SUMO2: variants seen among roughly 807,000 people sequenced by gnomAD.
SUMO2 encodes small ubiquitin like modifier 2.
SUMO2 carries 1 observed loss-of-function variant against 16.0 expected under a neutral mutation model. The ratio of observed to expected loss-of-function variants is 0.06; its 90% CI spans 0.02 to 0.30. SUMO2 has a LOEUF of 0.30. Ranked by LOEUF, SUMO2 falls within the 10% of genes least tolerant of loss-of-function variation. The pLI is 1.00. For synonymous variants in SUMO2, 36 were observed against 40.6 expected (o/e 0.89, Z 0.43); for missense variants, 16 against 117.5 (o/e 0.14, Z 3.99).
rs1598223664 is a variant in SUMO2, at chr17:75,173,502, CCTCA to C, written c.225+1246_225+1249del. ...ATTTTTTTTTTTTTTTGAGAGAGGG[CCTCA>C]CTTTGTCACCCAGGCTGGTGTGCAG... is the stretch of plus-strand genomic sequence containing the variant. On this transcript the variant is annotated intron_variant, in intron 3 of 3. Transcript: ENST00000420826. Among the ~76,000 whole-genome samples, 4 of 146,772 alleles carry C rather than the reference CCTCA, an allele frequency of 2.7e-5. No homozygotes were observed. In the East Asian group the frequency reaches 8.3e-4, roughly 30 times the overall value.
chr17:75,170,981 G>A (rs1568045587), intron 3 of SUMO2, among the ~76,000 whole-genome samples: 1 of 138,792 alleles, frequency 7.2e-6, no homozygotes, highest in Non-Finnish European at 1.7e-5. Flanking sequence ...TAGATACAGT[G>A]TTAGGCTAAA....
At chr17:75,171,107 C>T (rs1460042328) in intron 3 of SUMO2, among the ~76,000 whole-genome samples, 1 of 151,132 alleles carries the variant, frequency 6.6e-6, no homozygotes, top group East Asian at 2.0e-4. Flanking sequence ...AGCAAAGCAG[C>T]TTATTGTATG....
At chr17:75,177,696 AAAG>A (rs990619325) in intron 2 of SUMO2, among the ~76,000 whole-genome samples, 6 of 151,662 alleles carry the variant, frequency 4.0e-5, no homozygotes, top group African/African-American at 1.5e-4. Context: ...AAAAAAAAGA[AAAG>A]AAAAGCCAGG....
rs2074700321 is a variant in SUMO2, at chr17:75,167,243, A to G, written c.*1096T>C. 1 of 151,650 alleles carries G rather than the reference A, an allele frequency of 6.6e-6. No homozygotes were observed. The highest frequency in any genetic ancestry group is 1.9e-4 in the East Asian group (1 of 5,178). 9.4% of individuals were successfully genotyped at this position (151,650 alleles called of 1,614,324 possible). On this transcript the variant is annotated 3_prime_UTR_variant, in exon 4 of 4. Transcript: ENST00000420826. ...GAGGCTGAGGTTGCAGTGAGCTGAA[A>G]TTGCACCACTACACTCCAGCCTGGG...
At chr17:75,179,428 T>G (rs190660346) in intron 2 of SUMO2, among the ~76,000 whole-genome samples, 14 of 149,676 alleles carry the variant, frequency 9.4e-5, no homozygotes, top group Admixed American at 2.7e-4. Flanking sequence ...CTCGGGAGAC[T>G]GAGACAGGAG....
rs2074700362 is a variant in SUMO2, at chr17:75,167,246, G to GCACCACTA, written c.*1085_*1092dup. 2 of 151,522 alleles carry GCACCACTA rather than the reference G, an allele frequency of 1.3e-5. No homozygotes were observed. Among genetic ancestry groups the GCACCACTA allele is most frequent in the African/African-American group, 4.9e-5 (2 of 41,186 alleles). The allele number at this position is 151,522 out of a possible 1,614,324, so 9.4% of individuals were successfully genotyped here. ...GCTGAGGTTGCAGTGAGCTGAAATT[G>GCACCACTA]CACCACTACACTCCAGCCTGGGCAA... On this transcript the variant is annotated 3_prime_UTR_variant, in exon 4 of 4. Coordinates refer to ENST00000420826, the MANE Select transcript of SUMO2 (RefSeq NM_006937.4).
At chr17:75,179,867 G>A (rs2074813456) in intron 2 of SUMO2, among the ~76,000 whole-genome samples, 1 of 152,022 alleles carries the variant, frequency 6.6e-6, no homozygotes, top group African/African-American at 2.4e-5. Context: ...TGCCATGGTG[G>A]CCAGGCTGAT....
chr17:75,172,906 C>T (rs1225265352), intron 3 of SUMO2, among the ~76,000 whole-genome samples: 1 of 152,168 alleles, frequency 6.6e-6, no homozygotes, highest in Non-Finnish European at 1.5e-5. Context: ...CAGGTGTGAA[C>T]AAGTGCACCT....
chr17:75,180,542 ATC>A (rs2074821435), intron 2 of SUMO2, among the ~76,000 whole-genome samples: 2 of 150,802 alleles, frequency 1.3e-5, no homozygotes, highest in Non-Finnish European at 3.0e-5. Flanking sequence ...GTGAAACCCC[ATC>A]TCTACTAAAA....
rs1232568618 is a variant in SUMO2, at chr17:75,172,117, C to T, written c.225+2635G>A. Among the ~76,000 whole-genome samples the T allele has an allele frequency of 3.3e-5, 5 of 151,526 alleles. No homozygotes were observed. In the East Asian group the frequency reaches 7.7e-4, roughly 23 times the overall value. On this transcript the variant is annotated intron_variant, in intron 3 of 3. Transcript: ENST00000420826. ...TCGACTGTCTGACACCTTTCCCCCG[C>T]CCAGATTCTCCTGGCTCAATCTCCC...
At chr17:75,170,438 C>G (rs746470296) in intron 3 of SUMO2, among the ~76,000 whole-genome samples, 1 of 147,990 alleles carries the variant, frequency 6.8e-6, no homozygotes, top group Non-Finnish European at 1.5e-5. Flanking sequence ...GGTGTGGTTG[C>G]GCACGCCTGT....
At position 75,167,972 on chromosome 17, in the gene SUMO2, T is replaced by C. The variant is rs79926746; in HGVS notation, c.*367A>G. 4.8e-5 allele frequency: 8 copies of C among 167,676 alleles called. No individual in the cohort carries two copies. The highest frequency in any genetic ancestry group is 1.3e-5 in the Non-Finnish European group (1 of 77,446). 10.4% of individuals were successfully genotyped at this position (167,676 alleles called of 1,614,324 possible). ...TTTTTATGTTGTTGTTTTTTTTTTT[T>C]GTTAAAACAGTGAGAGCAAAATAAC... On this transcript the variant is annotated 3_prime_UTR_variant, in exon 4 of 4. Transcript: ENST00000420826.
At chr17:75,169,205 C>T (rs1252659053) in intron 3 of SUMO2, among the ~76,000 whole-genome samples, 1 of 151,864 alleles carries the variant, frequency 6.6e-6, no homozygotes, top group Non-Finnish European at 1.5e-5. Context: ...TCACTCCAGC[C>T]TGAGTGACAA....
chr17:75,174,856 T>C, intron 2 of SUMO2, 33 bp from the exon 3 acceptor site: 1 of 1,579,306 alleles, frequency 6.3e-7, no homozygotes, highest in South Asian at 1.1e-5. Context: ...TAAACAGCAT[T>C]AAGAGAAACA....
intron 3 of SUMO2, among the ~76,000 whole-genome samples, chr17:75,169,018 G>A (rs1412819920): frequency 1.4e-5 from 2 of 147,772 alleles, no homozygotes; most frequent in Admixed American, 6.9e-5. Flanking sequence ...CCAAGAGACC[G>A]AGACCACCTG....
intron 2 of SUMO2, among the ~76,000 whole-genome samples, chr17:75,180,594 T>G (rs748371173): frequency 6.6e-5 from 10 of 151,658 alleles, no homozygotes; most frequent in Admixed American, 1.3e-4. Context: ...AGTGGGCACC[T>G]GTAATCCCAG....
chr17:75,169,050 C>T (rs956995660), intron 3 of SUMO2, among the ~76,000 whole-genome samples: 4 of 145,870 alleles, frequency 2.7e-5, no homozygotes, highest in African/African-American at 1.0e-4. Context: ...GAGACAACAT[C>T]TCTACAAAAA....
intron 2 of SUMO2, among the ~76,000 whole-genome samples, chr17:75,179,234 G>A (rs998691606): frequency 2.6e-5 from 4 of 152,036 alleles, no homozygotes; most frequent in Non-Finnish European, 5.9e-5. Context: ...TCAAATAAGA[G>A]TATATGGTAT....
chr17:75,182,757 G>C (rs1381209991), intron 1 of SUMO2, 57 bp downstream of exon 1: 9 of 1,271,324 alleles, frequency 7.1e-6, no homozygotes, highest in Middle Eastern at 3.1e-4. Flanking sequence ...GCCGGACCCC[G>C]GCCCGCGCCA....
Sources: gnomAD v4.1 joint callset for allele counts (sites outside exome capture counted in the v4.1 genomes callset) on GRCh38, gnomAD v4.1.1 for gene constraint, MANE v1.5 for transcripts, NCBI Gene and HGNC (gene_info 2026-07-23, HGNC 2026-07-21) for gene names.